XDH: variants seen among roughly 807,000 people sequenced by gnomAD.
XDH encodes the protein xanthine dehydrogenase, also known as xanthine dehydrogenase/oxidase.
In XDH, 138 loss-of-function variants were observed where a neutral mutation model predicts 156.1. The observed-to-expected ratio is 0.88, with a 90% CI of 0.77 to 1.02. The LOEUF (loss-of-function observed/expected upper bound fraction) is 1.02, where lower values mean the gene tolerates loss of function less well. Ranked by LOEUF, XDH falls within the 50% of genes least tolerant of loss-of-function variation. The probability of loss-of-function intolerance (pLI) is 0.00; values close to 1 mark genes in which losing one functional copy is unlikely to be tolerated. For synonymous variants in XDH, 669 were observed against 625.7 expected, an observed-to-expected ratio of 1.07 and a Z score of -1.03; for missense variants, 1,849 against 1,684.9, an observed-to-expected ratio of 1.10 and a Z score of -1.71.
intron 17 of XDH, among the ~76,000 whole-genome samples, 177 bp downstream of exon 17, chr2:31,372,051 G>C (rs542795801): frequency 6.6e-6 from 1 of 152,370 alleles, no homozygotes; most frequent in Non-Finnish European, 1.5e-5. Context: ...ATCTGGAACA[G>C]AGAGATAATA....
chr2:31,358,870 G>A (rs1044519587), intron 24 of XDH, among the ~76,000 whole-genome samples: 21 of 152,032 alleles, frequency 1.4e-4, no homozygotes, highest in African/African-American at 4.6e-4. Context: ...ACAAAGGAAG[G>A]ATATATGACC....
intron 9 of XDH, among the ~76,000 whole-genome samples, chr2:31,384,658 A>G (rs2148783227): frequency 6.6e-6 from 1 of 152,100 alleles, no homozygotes. Context: ...AAAAAGAAAT[A>G]CCTGTGACCT....
At chr2:31,376,937 G>A in intron 14 of XDH, 116 bp downstream of exon 14, 1 of 1,320,946 alleles carries the variant, frequency 7.6e-7, no homozygotes, top group Non-Finnish European at 1.1e-6. Context: ...CAGTAGTTAT[G>A]GTAGTAGTAG....
intron 1 of XDH, among the ~76,000 whole-genome samples, chr2:31,408,041 T>A (rs1028349959): frequency 2.0e-5 from 3 of 152,176 alleles, no homozygotes; most frequent in African/African-American, 7.2e-5. Flanking sequence ...ATCAGTTCCC[T>A]GCTCAGTGCT....
Position 31,386,536 on chromosome 2 carries a change from C to A in XDH, c.671G>T (p.Arg224Leu). The change falls in exon 9 of 36, where the codon CGG becomes CTG. Residue 224 changes from arginine (R) to leucine (L), a missense_variant. By Grantham distance (102) the Arg-to-Leu change is moderately radical (BLOSUM62 -2). Coordinates refer to ENST00000379416, the MANE Select transcript of XDH (RefSeq NM_000379.4). The stretch of plus-strand genomic sequence containing the variant: ...CTCCCCTTCAAATCGCAGCTGCTTC[C>A]GAGGAGTGTCTTTCAGCCTCTGGGA... Reference protein sequence around the residue: ...PELLRLKDTPRKQLRFEGERV... With the variant: ...PELLRLKDTPLKQLRFEGERV... 1.2e-6 allele frequency: 2 copies of A among 1,614,114 alleles called. No homozygotes were observed. The highest frequency in any genetic ancestry group is 1.7e-6 in the Non-Finnish European group (2 of 1,180,006).
intron 24 of XDH, 77 bp from the exon 25 acceptor site, chr2:31,350,300 C>T: frequency 2.1e-6 from 3 of 1,429,792 alleles, no homozygotes; most frequent in South Asian, 2.3e-5. Context: ...ACTTTGAGGG[C>T]TGTATCCATT....
chr2:31,367,199 C>T (rs1685938377), intron 20 of XDH, among the ~76,000 whole-genome samples: 1 of 152,202 alleles, frequency 6.6e-6, no homozygotes, highest in Non-Finnish European at 1.5e-5. Flanking sequence ...TCATCCCCAC[C>T]CCCACAACAA....
intron 9 of XDH, among the ~76,000 whole-genome samples, chr2:31,386,099 C>T (rs1361271524): frequency 6.6e-6 from 1 of 152,186 alleles, no homozygotes; most frequent in African/African-American, 2.4e-5. Flanking sequence ...TCTCATTTCA[C>T]ACCCAAAACA....
intron 2 of XDH, among the ~76,000 whole-genome samples, chr2:31,404,858 C>A (rs936530379): frequency 1.3e-5 from 2 of 152,176 alleles, no homozygotes; most frequent in African/African-American, 4.8e-5. Context: ...AGGAGGGGAG[C>A]AAACCAGAGT....
rs2148779949 is a variant in XDH, at chr2:31,381,042, C to T, written c.1132+591G>A. Among the ~76,000 whole-genome samples, 3 of 152,192 alleles carry T rather than the reference C, an allele frequency of 2.0e-5. No individual in the cohort carries two copies. In the East Asian group the frequency reaches 5.8e-4, roughly 29 times the overall value. On this transcript the variant is annotated intron_variant, in intron 12 of 35. Coordinates refer to ENST00000379416, the MANE Select transcript of XDH (RefSeq NM_000379.4). Reference sequence around the variant, plus strand: ...ACAGGGTCTCACTCTGTCACCCAGGCTGGAGTGCAGTGGTGAGATCTCGGC... The same window carrying T: ...ACAGGGTCTCACTCTGTCACCCAGGTTGGAGTGCAGTGGTGAGATCTCGGC...
intron 34 of XDH, 68 bp from the exon 35 acceptor site, chr2:31,337,885 C>T (rs895494505): frequency 1.3e-6 from 2 of 1,553,508 alleles, no homozygotes; most frequent in Middle Eastern, 3.7e-4. Context: ...ATCAAGTGGA[C>T]CTAGGAGGCC....
chr2:31,337,513 C>T, intron 35 of XDH, 128 bp downstream of exon 35: 2 of 1,290,558 alleles, frequency 1.5e-6, no homozygotes, highest in Non-Finnish European at 2.2e-6. Context: ...TGAAGGGTGG[C>T]CATTGATGCA....
In XDH at chr2:31,412,407, T is replaced by C. The variant is rs192951491; in HGVS notation, c.42+2218A>G. Among the ~76,000 whole-genome samples, 143 of 152,072 alleles carry C rather than the reference T, an allele frequency of 9.4e-4. 1 individual carries two copies. Among genetic ancestry groups the C allele is most frequent in the African/African-American group, 3.2e-3 (131 of 41,460 alleles). ...TTTAAAAACCAAACACTGCATGTTC[T>C]CACTCATAGGTAGGAATTGAACAAT... is the stretch of plus-strand genomic sequence containing the variant. On this transcript the variant is annotated intron_variant, in intron 1 of 35. Transcript: ENST00000379416.
chr2:31,410,559 C>G (rs1432584979), intron 1 of XDH, among the ~76,000 whole-genome samples: 1 of 151,970 alleles, frequency 6.6e-6, no homozygotes, highest in East Asian at 1.9e-4. Flanking sequence ...TGGATAACAC[C>G]TTAGCCAAGT....
At chr2:31,404,072 T>A (rs1477462682) in intron 2 of XDH, among the ~76,000 whole-genome samples, 1 of 145,670 alleles carries the variant, frequency 6.9e-6, no homozygotes, top group African/African-American at 2.6e-5. Context: ...AGAAACTTCC[T>A]CACAGATTTA....
intron 3 of XDH, among the ~76,000 whole-genome samples, chr2:31,402,803 T>C (rs1236532077): frequency 6.6e-6 from 1 of 152,188 alleles, no homozygotes; most frequent in African/African-American, 2.4e-5. Flanking sequence ...CTTTATGGAA[T>C]GTGATATAAA....
rs757636981 is a variant in XDH at position 31,342,268 on chromosome 2, G to A, written c.3434C>T (p.Thr1145Ile). 18 of 1,614,008 alleles carry A rather than the reference G, an allele frequency of 1.1e-5. 1 individual carries two copies. In the South Asian group the frequency reaches 2.0e-4, roughly 18 times the overall value. ...GTAGTGGAAGGGGTTCCCTGAGTTAGTCTCAAAGCTGTAGCCCAGATTGGG... is the reference window on the plus strand; with the variant it reads ...GTAGTGGAAGGGGTTCCCTGAGTTAATCTCAAAGCTGTAGCCCAGATTGGG... ...RTPNLGYSFE[T>I]NSGNPFHYFS... The change falls in exon 32 of 36, where the codon ACT becomes ATT. Residue 1145 changes from threonine (T) to isoleucine (I), a missense_variant. By Grantham distance (89) the Thr-to-Ile change is moderately conservative. Coordinates refer to ENST00000379416, the MANE Select transcript of XDH (RefSeq NM_000379.4).
chr2:31,341,481 C>T (rs1312738545), intron 32 of XDH, 87 bp from the exon 33 acceptor site: 4 of 1,365,178 alleles, frequency 2.9e-6, no homozygotes, highest in Non-Finnish European at 4.1e-6. Flanking sequence ...CCTCAGACTA[C>T]AAGTGCCAAC....
chr2:31,377,518 T>C (rs1686276745), intron 13 of XDH, among the ~76,000 whole-genome samples: 1 of 152,132 alleles, frequency 6.6e-6, no homozygotes, highest in Non-Finnish European at 1.5e-5. Context: ...GTGGTCTCCA[T>C]TGAACAACAG....
Sources: allele counts gnomAD v4.1 joint callset (sites outside exome capture counted in the v4.1 genomes callset), GRCh38; gene constraint gnomAD v4.1.1; transcripts MANE v1.5; gene names NCBI Gene and HGNC (gene_info 2026-07-23, HGNC 2026-07-21).